Variants in DPP10 observed in about 807,000 individuals in gnomAD.
The protein encoded by DPP10 is dipeptidyl peptidase like 10.
A neutral mutation model predicts 120.9 loss-of-function variants in DPP10; 33 were observed. That is an observed-to-expected ratio of 0.27 (90% CI 0.21 to 0.37). DPP10 has a LOEUF of 0.37. Ranked by LOEUF, DPP10 falls within the 10% of genes least tolerant of loss-of-function variation. The pLI is 1.00. For missense variants in DPP10, 816 were observed against 942.8 expected (o/e 0.87, Z 1.76); for synonymous variants, 337 against 326.1 (o/e 1.03, Z -0.36).
At chr2:115,121,656 T>G (rs1351591202) in intron 1 of DPP10, among the ~76,000 whole-genome samples, 1 of 152,210 alleles carries the variant, frequency 6.6e-6, no homozygotes, top group African/African-American at 2.4e-5. Context: ...TGGTCTGGTC[T>G]TCTGCACCAA....
At chr2:115,753,144 A>G (rs747854350) in intron 10 of DPP10, 30 bp from the exon 11 acceptor site, 5 of 1,602,200 alleles carry the variant, frequency 3.1e-6, no homozygotes, top group Non-Finnish European at 4.3e-6. Flanking sequence ...CTGGCTCTAA[A>G]CATACATTTT....
intron 1 of DPP10, among the ~76,000 whole-genome samples, chr2:114,992,717 G>A (rs376356731): frequency 1.3e-5 from 2 of 152,016 alleles, no homozygotes; most frequent in East Asian, 3.9e-4. Context: ...GAATAAACAG[G>A]GTTCAGTTAC....
chr2:115,804,927 A>G (rs375013497), intron 19 of DPP10, among the ~76,000 whole-genome samples: 2,724 of 152,242 alleles, frequency 0.018, 80 homozygotes, highest in African/African-American at 0.06. Context: ...CTCAAGCTGC[A>G]TGCTGGGAAA....
At chr2:115,658,827 C>T (rs13390227) in intron 5 of DPP10, among the ~76,000 whole-genome samples, 7,954 of 152,100 alleles carry the variant, frequency 0.052, 694 homozygotes, top group African/African-American at 0.18. Context: ...ATGAAGGGTC[C>T]TGGGAATATT....
At chr2:115,298,563 A>G (rs943921412) in intron 1 of DPP10, among the ~76,000 whole-genome samples, 1 of 151,954 alleles carries the variant, frequency 6.6e-6, no homozygotes, top group Non-Finnish European at 1.5e-5. Flanking sequence ...CTCCCCAGGA[A>G]CTCACTAGGT....
intron 4 of DPP10, among the ~76,000 whole-genome samples, chr2:115,514,221 GATCT>G (rs746828879): frequency 6.6e-6 from 1 of 151,780 alleles, no homozygotes; most frequent in African/African-American, 2.4e-5. Flanking sequence ...ACTTGACTAT[GATCT>G]ATCTATGTGT....
intron 3 of DPP10, among the ~76,000 whole-genome samples, chr2:115,419,212 A>G (rs1340589438): frequency 1.3e-5 from 2 of 152,200 alleles, no homozygotes. Context: ...TGTTAAATAC[A>G]CACATCTAAA....
chr2:115,352,494 T>G (rs1022939184), intron 3 of DPP10, among the ~76,000 whole-genome samples: 1 of 152,292 alleles, frequency 6.6e-6, no homozygotes, highest in Non-Finnish European at 1.5e-5. Context: ...TCAATACAAA[T>G]ATAGAATAAT....
At chr2:114,611,737 A>G (rs2105287228) in intron 1 of DPP10, among the ~76,000 whole-genome samples, 1 of 152,306 alleles carries the variant, frequency 6.6e-6, no homozygotes, top group Admixed American at 6.5e-5. Context: ...AACTCTTAAT[A>G]AATTAATAAA....
At chr2:115,207,074 C>T (rs750564095) in intron 1 of DPP10, among the ~76,000 whole-genome samples, 5 of 152,214 alleles carry the variant, frequency 3.3e-5, no homozygotes, top group Non-Finnish European at 7.4e-5. Flanking sequence ...TTTTTGTGTG[C>T]ATAATAAACA....
intron 5 of DPP10, among the ~76,000 whole-genome samples, chr2:115,559,128 G>T (rs2080405129): frequency 1.3e-5 from 2 of 152,168 alleles, no homozygotes; most frequent in African/African-American, 4.8e-5. Flanking sequence ...ATACTTTCCA[G>T]ATTGACTATA....
chr2:115,461,116 A>G (rs1404728219), intron 3 of DPP10, among the ~76,000 whole-genome samples: 1 of 152,186 alleles, frequency 6.6e-6, no homozygotes, highest in East Asian at 1.9e-4. Context: ...TTCTATGTTG[A>G]GAATAAAAAG....
chr2:115,702,565 A>G (rs981455303), intron 7 of DPP10, among the ~76,000 whole-genome samples: 1 of 152,088 alleles, frequency 6.6e-6, no homozygotes, highest in South Asian at 2.1e-4. Context: ...GCTTGGATGA[A>G]CCTTAAAAAC....
chr2:114,851,492 A>T (rs1202990069), intron 1 of DPP10, among the ~76,000 whole-genome samples: 1 of 152,194 alleles, frequency 6.6e-6, no homozygotes, highest in Non-Finnish European at 1.5e-5. Flanking sequence ...CATTTACTCA[A>T]CAAGATGTTG....
At chr2:115,222,716 T>G (rs561568175) in intron 1 of DPP10, among the ~76,000 whole-genome samples, 1 of 152,242 alleles carries the variant, frequency 6.6e-6, no homozygotes, top group East Asian at 1.9e-4. Flanking sequence ...TGCATCTTCA[T>G]CTCATGAACA....
At chr2:115,214,118 T>C (rs1290834026) in intron 1 of DPP10, among the ~76,000 whole-genome samples, 1 of 152,156 alleles carries the variant, frequency 6.6e-6, no homozygotes, top group Non-Finnish European at 1.5e-5. Flanking sequence ...AAACATAATA[T>C]CCTGGCAAAT....
intron 1 of DPP10, among the ~76,000 whole-genome samples, chr2:114,455,729 G>GTTTT (rs35479026): frequency 2.8e-5 from 4 of 144,708 alleles, no homozygotes; most frequent in East Asian, 2.0e-4. Flanking sequence ...AAATTCATTT[G>GTTTT]TTTTTTTTTT....
chr2:115,806,563 A>G (rs570686107), intron 19 of DPP10, among the ~76,000 whole-genome samples: 1 of 152,206 alleles, frequency 6.6e-6, no homozygotes, highest in Non-Finnish European at 1.5e-5. Context: ...ACCACCATAC[A>G]TTACTGAAGG....
chr2:115,827,318 C>CATGTATATGTGT (rs1688430209), intron 21 of DPP10, among the ~76,000 whole-genome samples: 1 of 137,790 alleles, frequency 7.3e-6, no homozygotes, highest in Non-Finnish European at 1.5e-5. Context: ...TACACATGTA[C>CATGTATATGTGT]ATGTATATGT....
Sources: gnomAD v4.1 joint callset for allele counts (sites outside exome capture counted in the v4.1 genomes callset) on GRCh38, gnomAD v4.1.1 for gene constraint, MANE v1.5 for transcripts, NCBI Gene and HGNC (gene_info 2026-07-23, HGNC 2026-07-21) for gene names.